NCKAP5: variants seen among roughly 807,000 people sequenced by gnomAD.
The protein encoded by NCKAP5 is nck-associated protein 5.
NCKAP5 carries 92 observed loss-of-function variants against 167.0 expected under a neutral mutation model. The ratio of observed to expected loss-of-function variants is 0.55; its 90% confidence interval spans 0.47 to 0.66. The LOEUF (loss-of-function observed/expected upper bound fraction) is 0.66, where lower values mean the gene tolerates loss of function less well. Ranked by LOEUF, NCKAP5 falls within the 30% of genes least tolerant of loss-of-function variation. The pLI is 0.00. For missense variants in NCKAP5, 2,378 were observed against 2,315.0 expected, an observed-to-expected ratio of 1.03 and a Z score of -0.56; for synonymous variants, 891 against 877.4, an observed-to-expected ratio of 1.02 and a Z score of -0.27.
chr2:132,735,282 G>A (rs944176069), intron 16 of NCKAP5, among the ~76,000 whole-genome samples: 1 of 152,184 alleles, frequency 6.6e-6, no homozygotes, highest in Non-Finnish European at 1.5e-5. Flanking sequence ...AGGCTGGTGG[G>A]AGGTGTTTGA....
intron 8 of NCKAP5, among the ~76,000 whole-genome samples, chr2:132,883,500 A>T (rs1452939535): frequency 6.6e-6 from 1 of 151,592 alleles, no homozygotes; most frequent in Non-Finnish European, 1.5e-5. Context: ...TTTCCCCTTC[A>T]CAACCACGTC....
intron 3 of NCKAP5, among the ~76,000 whole-genome samples, chr2:133,440,078 C>T (rs1248205225): frequency 6.6e-6 from 1 of 152,128 alleles, no homozygotes; most frequent in Non-Finnish European, 1.5e-5. Context: ...TATACTGCTT[C>T]ACTGGTGACT....
chr2:133,101,795 A>G (rs766831390), intron 6 of NCKAP5, among the ~76,000 whole-genome samples: 1 of 152,354 alleles, frequency 6.6e-6, no homozygotes, highest in Non-Finnish European at 1.5e-5. Context: ...AAGTGTTCAC[A>G]TTCAGATAGT....
chr2:132,782,641 G>A lies in NCKAP5; in HGVS notation c.4170C>T (p.Ala1390=), dbSNP rs779023267. The A allele has an allele frequency of 6.2e-7, 1 of 1,608,378 alleles. No individual in the cohort carries two copies. Among genetic ancestry groups the A allele is most frequent in the Non-Finnish European group, 8.5e-7 (1 of 1,177,260 alleles). The stretch of plus-strand genomic sequence containing the variant: ...CACTGGGGCACTCTCCCTGGGTGAA[G>A]GCCTGCTGGTCTTCCTTTCCAGGTG... ...LIPPGKEDQQ[A]FTQGECPSAN... The change falls in exon 14 of 20, where the codon GCC becomes GCT. Residue 1390 remains alanine, a synonymous_variant. Coordinates refer to ENST00000409261, the MANE Select transcript of NCKAP5 (RefSeq NM_207363.3).
intron 3 of NCKAP5, among the ~76,000 whole-genome samples, chr2:133,487,529 C>T (rs2151334849): frequency 6.6e-6 from 1 of 152,194 alleles, no homozygotes; most frequent in African/African-American, 2.4e-5. Context: ...TAAGCGGTCT[C>T]TAAAAATTCA....
chr2:132,841,789 T>G (rs1688313278), intron 11 of NCKAP5, among the ~76,000 whole-genome samples: 1 of 152,154 alleles, frequency 6.6e-6, no homozygotes, highest in Admixed American at 6.5e-5. Context: ...TACTTTAATT[T>G]GAAGTTATGT....
rs190368665 is a variant in NCKAP5 at position 132,908,419 on chromosome 2, G to C, written c.580-29503C>G. On this transcript the variant is annotated intron_variant, in intron 8 of 19. Transcript: ENST00000409261. ...TCCAGAATCAAATCCTTTAGGATGT[G>C]GTCTGAATGGGGTAGAGTGTGGCAG... Among the ~76,000 whole-genome samples the C allele has an allele frequency of 5.9e-5, 9 of 152,248 alleles. No homozygotes were observed. In the East Asian group the frequency reaches 1.5e-3, roughly 26 times the overall value.
intron 8 of NCKAP5, among the ~76,000 whole-genome samples, chr2:132,956,477 G>T (rs1354355211): frequency 1.3e-5 from 2 of 152,092 alleles, no homozygotes; most frequent in South Asian, 2.1e-4. Context: ...TTTCTTCTGT[G>T]GTTTCATCTC....
chr2:133,547,232 C>A (rs1332166213), intron 2 of NCKAP5, among the ~76,000 whole-genome samples: 1 of 152,158 alleles, frequency 6.6e-6, no homozygotes, highest in African/African-American at 2.4e-5. Context: ...GTCCTACGCC[C>A]ACGGAGTCTC....
chr2:133,091,336 T>G (rs192783958), intron 6 of NCKAP5, among the ~76,000 whole-genome samples: 1 of 152,168 alleles, frequency 6.6e-6, no homozygotes, highest in Non-Finnish European at 1.5e-5. Context: ...TCCAGCTAAG[T>G]GAGATTCCAC....
At chr2:133,548,641 G>A (rs369860752) in intron 2 of NCKAP5, among the ~76,000 whole-genome samples, 1 of 151,924 alleles carries the variant, frequency 6.6e-6, no homozygotes, top group Non-Finnish European at 1.5e-5. Flanking sequence ...CTTCATAAGT[G>A]AAGGAGAAAT....
chr2:132,839,796 T>C (rs1233116767), intron 11 of NCKAP5, among the ~76,000 whole-genome samples: 1 of 140,244 alleles, frequency 7.1e-6, no homozygotes, highest in Admixed American at 7.0e-5. Flanking sequence ...AAATAACTAC[T>C]AATAGCCTAC....
At chr2:133,565,750 A>G (rs1038652508) in intron 1 of NCKAP5, among the ~76,000 whole-genome samples, 10 of 152,264 alleles carry the variant, frequency 6.6e-5, no homozygotes, top group Non-Finnish European at 1.3e-4. Flanking sequence ...CTTCAACCAC[A>G]GTGAAGAAGA....
intron 19 of NCKAP5, among the ~76,000 whole-genome samples, chr2:132,696,411 G>A (rs1429291927): frequency 6.6e-6 from 1 of 152,180 alleles, no homozygotes. Context: ...ACTGCTTATT[G>A]AATACTTCTT....
At chr2:132,736,706 G>A (rs574553731) in intron 16 of NCKAP5, among the ~76,000 whole-genome samples, 2 of 152,258 alleles carry the variant, frequency 1.3e-5, no homozygotes, top group South Asian at 4.1e-4. Context: ...AGAATTGCCT[G>A]AACCTGGGAG....
At chr2:133,283,215 T>C (rs746763777) in intron 4 of NCKAP5, among the ~76,000 whole-genome samples, 8 of 152,134 alleles carry the variant, frequency 5.3e-5, no homozygotes, top group Non-Finnish European at 1.2e-4. Flanking sequence ...ATACAATGAA[T>C]AAGATAACAT....
the NCKAP5 span, among the ~76,000 whole-genome samples, chr2:133,672,743 C>T: frequency 6.6e-6 from 1 of 152,116 alleles, no homozygotes; most frequent in Admixed American, 6.5e-5. Flanking sequence ...TACAAAAAAA[C>T]ACATGGTGGC....
At chr2:133,241,398 T>A (rs908636551) in intron 4 of NCKAP5, among the ~76,000 whole-genome samples, 1 of 152,230 alleles carries the variant, frequency 6.6e-6, no homozygotes, top group Non-Finnish European at 1.5e-5. Flanking sequence ...CTTCCAGCTC[T>A]GGAATCTGAC....
At chr2:132,691,513 G>A (rs748259989) in intron 19 of NCKAP5, among the ~76,000 whole-genome samples, 6 of 151,972 alleles carry the variant, frequency 3.9e-5, no homozygotes, top group South Asian at 2.1e-4. Context: ...TGCTATACCC[G>A]CTACCTAACA....
Sources: allele counts gnomAD v4.1 joint callset (sites outside exome capture counted in the v4.1 genomes callset), GRCh38; gene constraint gnomAD v4.1.1; transcripts MANE v1.5; gene names NCBI Gene and HGNC (gene_info 2026-07-23, HGNC 2026-07-21).